Variants in ABCC1 observed in about 807,000 individuals in gnomAD.
ABCC1 encodes the protein multidrug resistance-associated protein 1.
In ABCC1, 83 loss-of-function variants were observed where a neutral mutation model predicts 172.9. The observed-to-expected ratio is 0.48, with a 90% CI of 0.40 to 0.58. The LOEUF is 0.58. Among genes scored for constraint, ABCC1 ranks in the 20% least tolerant of loss-of-function variants. The pLI, the probability that ABCC1 is intolerant of heterozygous loss-of-function variation, is 0.00. For missense variants in ABCC1, 1,817 were observed against 2,002.7 expected, an observed-to-expected ratio of 0.91 and a Z score of 1.77; for synonymous variants, 937 against 825.2, an observed-to-expected ratio of 1.14 and a Z score of -2.32.
At position 16,122,018 on chromosome 16, in the gene ABCC1, C is replaced by T. The variant is rs758126674; in HGVS notation, c.3434C>T (p.Ser1145Leu). The T allele has an allele frequency of 3.7e-6, 6 of 1,614,210 alleles. No individual in the cohort carries two copies. Among genetic ancestry groups the T allele is most frequent in the Non-Finnish European group, 4.2e-6 (5 of 1,180,042 alleles). Residue 1145 changes from serine to leucine, a missense_variant, in exon 24 of 31, where the codon TCG (serine) becomes TTG (leucine). Around this residue, in one of 3 missense-constraint regions of ABCC1, gnomAD observed 1,412 missense variants for 1,600.3 expected, o/e 0.88. Coordinates refer to ENST00000399410, the MANE Select transcript of ABCC1 (RefSeq NM_004996.4). ...TCCCGGCAGCTGAAGCGCCTCGAGT[C>T]GGTCAGCCGCTCCCCGGTCTATTCC... ...ASSRQLKRLE[S>L]VSRSPVYSHF...
At chr16:16,070,637 C>G (rs754230437) in intron 13 of ABCC1, among the ~76,000 whole-genome samples, 9 of 152,164 alleles carry the variant, frequency 5.9e-5, no homozygotes, top group Non-Finnish European at 8.8e-5. Context: ...TGCACTCCAG[C>G]CTGGGTGACA....
intron 1 of ABCC1, among the ~76,000 whole-genome samples, chr16:15,972,787 CTTTTTTTTTTTT>C (rs35086205): frequency 2.2e-5 from 2 of 89,336 alleles, no homozygotes; most frequent in Admixed American, 1.6e-4. Context: ...TATTTTTTAA[CTTTTTTTTTTTT>C]TTTTTTTTTT....
At chr16:15,985,176 C>T (rs954557712) in intron 1 of ABCC1, among the ~76,000 whole-genome samples, 1 of 152,154 alleles carries the variant, frequency 6.6e-6, no homozygotes, top group African/African-American at 2.4e-5. Context: ...CCATCATCCC[C>T]AGCTTCTGCC....
rs2046118941 is a variant in ABCC1 at position 16,141,311 on chromosome 16, T to C, written c.*30T>C. 1.2e-6 allele frequency: 2 copies of C among 1,604,562 alleles called. No homozygotes were observed. ...CAGAGCTGGCATATCTGGTCAGAAC[T>C]GCAGGGCCTATATGCCAGCGCCCAG... On this transcript the variant is annotated 3_prime_UTR_variant, in exon 31 of 31. Coordinates refer to ENST00000399410, the MANE Select transcript of ABCC1 (RefSeq NM_004996.4).
At chr16:16,090,093 A>G (rs775963682) in intron 18 of ABCC1, among the ~76,000 whole-genome samples, 43 of 152,152 alleles carry the variant, frequency 2.8e-4, no homozygotes, top group Non-Finnish European at 5.4e-4. Context: ...TTCAGCAAGC[A>G]CTATTCTACT....
intron 23 of ABCC1, among the ~76,000 whole-genome samples, chr16:16,119,326 A>T (rs1262317757): frequency 6.6e-6 from 1 of 152,104 alleles, no homozygotes; most frequent in Non-Finnish European, 1.5e-5. Flanking sequence ...CTGTAGTCCC[A>T]CCTGCTTGGG....
At chr16:16,114,634 C>T (rs1420150912) in intron 22 of ABCC1, 132 bp from the exon 23 acceptor site, 1 of 903,498 alleles carries the variant, frequency 1.1e-6, no homozygotes, top group African/African-American at 1.7e-5. Flanking sequence ...AGCCACCATG[C>T]CTGGTTCATC....
rs45604647 is a variant in ABCC1 at position 16,126,416 on chromosome 16, C to T, written c.3819+505C>T. On this transcript the variant is annotated intron_variant, in intron 26 of 30. Coordinates refer to ENST00000399410, the MANE Select transcript of ABCC1 (RefSeq NM_004996.4). ...TTTTTTTGTGTGTGTGATGGAGTCTCACTGTCACCCAGGCTGGAGTGCAGT... is the reference window on the plus strand; with the variant it reads ...TTTTTTTGTGTGTGTGATGGAGTCTTACTGTCACCCAGGCTGGAGTGCAGT... Among the ~76,000 whole-genome samples, 375 of 152,272 alleles carry T rather than the reference C, an allele frequency of 2.5e-3. 3 individuals carry two copies. Among genetic ancestry groups the T allele is most frequent in the African/African-American group, 7.9e-3 (329 of 41,564 alleles).
rs941734834 is a variant in ABCC1 at position 16,003,244 on chromosome 16, G to T, written c.49-4572G>T. Among the ~76,000 whole-genome samples the T allele has an allele frequency of 1.8e-4, 24 of 133,456 alleles. No homozygotes were observed. The Middle Eastern group carries it at 0.011, about 63-fold the overall frequency. The allele number at this position is 133,456 out of a possible 152,430, so 87.6% of individuals were successfully genotyped here. A position where few individuals can be genotyped will look rare whatever the true frequency, so the allele number is the denominator to read the frequency against. On this transcript the variant is annotated intron_variant, in intron 1 of 30. Transcript: ENST00000399410. Reference sequence around the variant, plus strand: ...GGGTAGGTGGATGGATGAATGAACTGGTGGGTTGCTGGATGGGTGGATGAA... The same window carrying T: ...GGGTAGGTGGATGGATGAATGAACTTGTGGGTTGCTGGATGGGTGGATGAA...
intron 1 of ABCC1, among the ~76,000 whole-genome samples, chr16:15,962,907 C>G (rs1021617614): frequency 3.9e-5 from 6 of 152,206 alleles, no homozygotes; most frequent in African/African-American, 1.4e-4. Flanking sequence ...ATTATGCCTT[C>G]CCAACAGTTC....
chr16:16,092,953 C>T (rs571598474), intron 19 of ABCC1, among the ~76,000 whole-genome samples: 4 of 152,360 alleles, frequency 2.6e-5, no homozygotes, highest in African/African-American at 9.6e-5. Context: ...TGCCACTGCA[C>T]TCCATCTGGC....
intron 1 of ABCC1, among the ~76,000 whole-genome samples, chr16:15,986,646 A>G (rs2046751145): frequency 6.6e-6 from 1 of 152,210 alleles, no homozygotes; most frequent in Admixed American, 6.5e-5. Context: ...CCCTGGTGCC[A>G]AAAAGCGTGG....
At chr16:16,073,311 T>C (rs990119295) in intron 14 of ABCC1, among the ~76,000 whole-genome samples, 4 of 152,166 alleles carry the variant, frequency 2.6e-5, no homozygotes, top group African/African-American at 9.6e-5. Context: ...GAGTCCATGC[T>C]CTTCCTGGCC....
chr16:16,080,069 T>C (rs4781724), intron 16 of ABCC1, among the ~76,000 whole-genome samples: 61,242 of 151,920 alleles, frequency 0.4, 14,582 homozygotes, highest in Non-Finnish European at 0.53. Context: ...CACCTCTGTC[T>C]CCCAAAGTGC....
chr16:16,038,103 G>A (rs1436550774), intron 7 of ABCC1, among the ~76,000 whole-genome samples: 4 of 152,012 alleles, frequency 2.6e-5, no homozygotes, highest in Non-Finnish European at 5.9e-5. Flanking sequence ...TAGATGATAG[G>A]TAGATGATAG....
At chr16:16,126,157 G>A (rs897550192) in intron 26 of ABCC1, among the ~76,000 whole-genome samples, 1 of 152,154 alleles carries the variant, frequency 6.6e-6, no homozygotes, top group Non-Finnish European at 1.5e-5. Flanking sequence ...TGCTGTCAGG[G>A]CATTCAGAAG....
chr16:16,102,748 G>T, intron 20 of ABCC1, 31 bp downstream of exon 20: 2 of 1,549,888 alleles, frequency 1.3e-6, no homozygotes, highest in Non-Finnish European at 1.7e-6. Flanking sequence ...CCCAACCTAA[G>T]GACCCTGCCC....
At chr16:16,049,618 T>C (rs932978984) in intron 10 of ABCC1, among the ~76,000 whole-genome samples, 2 of 152,192 alleles carry the variant, frequency 1.3e-5, no homozygotes, top group Admixed American at 6.5e-5. Flanking sequence ...CTTCTTCTTT[T>C]GAATTTTGAG....
chr16:16,124,397 GT>G (rs2045335717), intron 24 of ABCC1, among the ~76,000 whole-genome samples: 2 of 136,400 alleles, frequency 1.5e-5, no homozygotes, highest in East Asian at 2.2e-4. Context: ...GTGTGTGTGT[GT>G]GTGTGTGTGT....
Sources: allele counts gnomAD v4.1 joint callset (sites outside exome capture counted in the v4.1 genomes callset), GRCh38; gene constraint gnomAD v4.1.1; regional missense constraint gnomAD v4.1.1; transcripts MANE v1.5; gene names NCBI Gene and HGNC (gene_info 2026-07-23, HGNC 2026-07-21).